The following SF3B1 variants were observed in gnomAD, a reference collection of about 807,000 sequenced individuals.
SF3B1 encodes splicing factor 3b subunit 1.
In SF3B1, 12 loss-of-function variants were observed where a neutral mutation model predicts 153.8. The observed-to-expected ratio is 0.08, with a 90% CI of 0.05 to 0.13. SF3B1 has a LOEUF of 0.13. SF3B1 is among the 10% of genes least tolerant of loss of function. The pLI is 1.00. For synonymous variants in SF3B1, 498 were observed against 525.2 expected (o/e 0.95, Z 0.71); for missense variants, 513 against 1,606.1 (o/e 0.32, Z 11.63).
intron 24 of SF3B1, 44 bp downstream of exon 24, chr2:197,392,928 T>TAAA (rs11380582): frequency 1.1e-4 from 101 of 943,666 alleles, no homozygotes; most frequent in South Asian, 4.7e-4. Flanking sequence ...AAGTATTATT[T>TAAA]AAAAAAAAAA....
intron 1 of SF3B1, among the ~76,000 whole-genome samples, chr2:197,426,328 T>C (rs1446251861): frequency 6.6e-6 from 1 of 151,974 alleles, no homozygotes; most frequent in African/African-American, 2.4e-5. Context: ...GGAGTTTTGC[T>C]CTTGTTGCCC....
chr2:197,401,905 A>C lies in SF3B1; in HGVS notation c.2224-17T>G, dbSNP rs1263606858. 2 of 1,583,470 alleles carry C rather than the reference A, an allele frequency of 1.3e-6. No individual in the cohort carries two copies. The highest frequency in any genetic ancestry group is 1.7e-6 in the Non-Finnish European group (2 of 1,169,918). On this transcript the variant is annotated splice_polypyrimidine_tract_variant and intron_variant, in intron 15 of 24. Transcript: ENST00000335508. This position sits in a 1 kb window ranked among gnomAD's most constrained non-coding sequence, Gnocchi z 4.2. ...AGCCAAACCCTATTTTTAAATAAAA[A>C]ATATATGTACTTTAGTAATTTAGAT...
At chr2:197,432,440 G>C (rs188463100) in intron 1 of SF3B1, among the ~76,000 whole-genome samples, 39 of 152,362 alleles carry the variant, frequency 2.6e-4, no homozygotes, top group Middle Eastern at 3.4e-3. Flanking sequence ...TACGTGGAAA[G>C]ATCTAAAAGA....
intron 22 of SF3B1, among the ~76,000 whole-genome samples, chr2:197,397,689 G>A (rs1380932788): frequency 6.6e-6 from 1 of 152,086 alleles, no homozygotes; most frequent in African/African-American, 2.4e-5. Context: ...CCCAGCTACT[G>A]GGGAGGCTGA....
In SF3B1 at chr2:197,410,142, C is replaced by T. The variant is rs77865105; in HGVS notation, c.667-135G>A. On this transcript the variant is annotated intron_variant, in intron 6 of 24. Coordinates refer to ENST00000335508, the MANE Select transcript of SF3B1 (RefSeq NM_012433.4). ...ATTAATGAAAAGTTAGAAGACACTA[C>T]CTCTACTTATAGGAAAAGATACCTA... 1,177 of 586,686 alleles carry T rather than the reference C, an allele frequency of 2.0e-3. 11 individuals are homozygous for T. Among genetic ancestry groups the T allele is most frequent in the African/African-American group, 0.018 (982 of 53,554 alleles). 36.3% of individuals were successfully genotyped at this position (586,686 alleles called of 1,614,324 possible).
At chr2:197,405,700 A>G (rs1228519555) in intron 9 of SF3B1, among the ~76,000 whole-genome samples, 1 of 152,078 alleles carries the variant, frequency 6.6e-6, no homozygotes, top group Non-Finnish European at 1.5e-5. Context: ...ACAAGAGAAG[A>G]GCTTAGAAAA....
chr2:197,429,522 G>A (rs141983683), intron 1 of SF3B1, among the ~76,000 whole-genome samples: 1,626 of 152,274 alleles, frequency 0.011, 14 homozygotes, highest in South Asian at 0.024. Flanking sequence ...GGTGGCTCAC[G>A]CCTGTAATCC....
intron 1 of SF3B1, 69 bp downstream of exon 1, chr2:197,434,903 A>C: frequency 6.6e-7 from 1 of 1,519,504 alleles, no homozygotes; most frequent in East Asian, 2.3e-5. Flanking sequence ...AAAAGGCAGA[A>C]TCCTAGGAAA....
rs755545599 is a variant in SF3B1 at position 197,434,988 on chromosome 2, G to A, written c.12C>T (p.Ile4=). ...ACCGCTTACCTTCGTGAGTCTTGGC[G>A]ATCTTCGCCATTTTGTCCACTCGAA... The part of the protein sequence containing the change: MAK[I]AKTHEDIEAQ... Residue 4 remains isoleucine (I), a synonymous_variant, in exon 1 of 25, where the codon ATC becomes ATT. Coordinates refer to ENST00000335508, the MANE Select transcript of SF3B1 (RefSeq NM_012433.4). The A allele has an allele frequency of 5.0e-6, 8 of 1,614,138 alleles. No individual in the cohort carries two copies. Among genetic ancestry groups the A allele is most frequent in the African/African-American group, 2.7e-5 (2 of 74,960 alleles).
chr2:197,419,121 T>C (rs772893465), intron 4 of SF3B1: 2 of 584,974 alleles, frequency 3.4e-6, no homozygotes, highest in East Asian at 2.9e-5. Flanking sequence ...TTTAAAAATA[T>C]ACCTATAATC....
chr2:197,402,871 A>T lies in SF3B1; in HGVS notation c.1807-45T>A, dbSNP rs1465267349. The T allele has an allele frequency of 6.2e-7, 1 of 1,611,096 alleles. No individual in the cohort carries two copies. Among genetic ancestry groups the T allele is most frequent in the African/African-American group, 1.3e-5 (1 of 74,720 alleles). On this transcript the variant is annotated intron_variant, in intron 13 of 24. Transcript: ENST00000335508. This position sits in a 1 kb window ranked among gnomAD's most constrained non-coding sequence, Gnocchi z 4.6. ...AGGACAGTCATGAGTTGGTAATATTAATCTTCAACCATTTCTTTCCATAAT... is the reference window on the plus strand; with the variant it reads ...AGGACAGTCATGAGTTGGTAATATTTATCTTCAACCATTTCTTTCCATAAT...
rs541282351 is a variant in SF3B1, at chr2:197,400,642, T to C, written c.2718+73A>G. 3.6e-5 allele frequency: 44 copies of C among 1,237,324 alleles called. No homozygotes were observed. In the South Asian group the frequency reaches 5.9e-4, roughly 17 times the overall value. The allele number at this position is 1,237,324 out of a possible 1,614,324, so 76.6% of individuals were successfully genotyped here. ...CAAATTCAATTGCATTCTAGAAAAA[T>C]TTGCTTGACAACTAATATGCTTTTC... On this transcript the variant is annotated intron_variant, in intron 18 of 24. Coordinates refer to ENST00000335508, the MANE Select transcript of SF3B1 (RefSeq NM_012433.4). The surrounding 1 kb of genome is among the most constrained non-coding windows in gnomAD (Gnocchi z 5.0).
At chr2:197,407,139 T>C (rs978748392) in intron 9 of SF3B1, among the ~76,000 whole-genome samples, 1 of 152,002 alleles carries the variant, frequency 6.6e-6, no homozygotes, top group African/African-American at 2.4e-5. Context: ...TAAAAATCAA[T>C]AGTCATTAAC....
At chr2:197,398,664 G>T in intron 20 of SF3B1, 83 bp from the exon 21 acceptor site, 2 of 1,252,276 alleles carry the variant, frequency 1.6e-6, no homozygotes, top group South Asian at 2.7e-5. Context: ...TGTCATATAT[G>T]ACTATGTATA....
chr2:197,406,992 G>A (rs2085001687), intron 9 of SF3B1, among the ~76,000 whole-genome samples: 1 of 151,956 alleles, frequency 6.6e-6, no homozygotes, highest in African/African-American at 2.4e-5. Flanking sequence ...GGAGGCTGAG[G>A]CAGGAGGATC....
intron 1 of SF3B1, among the ~76,000 whole-genome samples, chr2:197,428,774 A>T (rs1344867986): frequency 6.6e-6 from 1 of 152,140 alleles, no homozygotes; most frequent in Non-Finnish European, 1.5e-5. Flanking sequence ...GCACGCCTGT[A>T]ATCCCAGCTA....
intron 23 of SF3B1, among the ~76,000 whole-genome samples, chr2:197,394,313 C>A (rs2084850705): frequency 6.6e-6 from 1 of 152,202 alleles, no homozygotes; most frequent in African/African-American, 2.4e-5. Context: ...CCTCCCAAAT[C>A]ATTTTAAACT....
At position 197,416,921 on chromosome 2, in the gene SF3B1, A is replaced by C. The variant is rs763766285; in HGVS notation, c.496-10T>G. On this transcript the variant is annotated splice_polypyrimidine_tract_variant and intron_variant, in intron 5 of 24. Transcript: ENST00000335508. ...GTTGCCTAATTTCTCGCTGAAAAAA[A>C]CAGTGAGTATTTACCTTTAAAATGC... 1.2e-6 allele frequency: 2 copies of C among 1,610,186 alleles called. No homozygotes were observed. The highest frequency in any genetic ancestry group is 1.7e-6 in the Non-Finnish European group (2 of 1,178,018).
At chr2:197,431,046 T>C (rs893625166) in intron 1 of SF3B1, among the ~76,000 whole-genome samples, 4 of 150,962 alleles carry the variant, frequency 2.6e-5, no homozygotes, top group Admixed American at 2.0e-4. Flanking sequence ...CTGATAAAAC[T>C]ATTTAACTGC....
Sources: allele counts gnomAD v4.1 joint callset (sites outside exome capture counted in the v4.1 genomes callset), GRCh38; gene constraint gnomAD v4.1.1; non-coding constraint Gnocchi (gnomAD v3.1); transcripts MANE v1.5; gene names NCBI Gene and HGNC (gene_info 2026-07-23, HGNC 2026-07-21).